LDLRAD4: variants seen among roughly 807,000 people sequenced by gnomAD.
The protein encoded by LDLRAD4 is low-density lipoprotein receptor class A domain-containing protein 4.
Under a neutral mutation model 17.0 loss-of-function variants are expected in LDLRAD4, and 5 were observed. That is an observed-to-expected ratio of 0.29 (90% CI 0.15 to 0.62). The LOEUF (loss-of-function observed/expected upper bound fraction) is 0.62. Ranked by LOEUF, LDLRAD4 falls within the 20% of genes least tolerant of loss-of-function variation. The pLI, the probability that LDLRAD4 is intolerant of heterozygous loss-of-function variation, is 0.84. For missense variants in LDLRAD4, 340 were observed against 424.7 expected (o/e 0.80, Z 1.75); for synonymous variants, 168 against 171.8 (o/e 0.98, Z 0.17).
intron 3 of LDLRAD4, among the ~76,000 whole-genome samples, chr18:13,546,298 C>T (rs1338928866): frequency 6.6e-6 from 1 of 152,158 alleles, no homozygotes; most frequent in Non-Finnish European, 1.5e-5. Context: ...CCACCACTAA[C>T]TGCTGCTCGG....
At chr18:13,572,371 G>A (rs1268830672) in intron 3 of LDLRAD4, among the ~76,000 whole-genome samples, 1 of 152,222 alleles carries the variant, frequency 6.6e-6, no homozygotes, top group Non-Finnish European at 1.5e-5. Flanking sequence ...CAGCTTCCCT[G>A]CTCCAGGGTC....
At chr18:13,544,543 T>C (rs530575314) in intron 3 of LDLRAD4, among the ~76,000 whole-genome samples, 15 of 152,334 alleles carry the variant, frequency 9.8e-5, no homozygotes, top group South Asian at 2.1e-4. Context: ...CTTGAGTGGC[T>C]CCTGGTACAG....
intron 3 of LDLRAD4, among the ~76,000 whole-genome samples, chr18:13,454,389 A>T (rs2092008763): frequency 6.6e-6 from 1 of 152,190 alleles, no homozygotes; most frequent in African/African-American, 2.4e-5. Context: ...TTAAGTTGTG[A>T]ATAATATGGA....
chr18:13,492,137 C>T (rs1431025586), intron 3 of LDLRAD4, among the ~76,000 whole-genome samples: 1 of 152,118 alleles, frequency 6.6e-6, no homozygotes, highest in East Asian at 1.9e-4. Context: ...AAGACCGATT[C>T]GGGCAAGTCT....
chr18:13,458,858 G>T (rs1190348854), intron 3 of LDLRAD4, among the ~76,000 whole-genome samples: 1 of 152,198 alleles, frequency 6.6e-6, no homozygotes, highest in East Asian at 1.9e-4. Context: ...ATGATGAAGG[G>T]GCCTCAAGCC....
chr18:13,310,701 G>A (rs2047187516), intron 1 of LDLRAD4, among the ~76,000 whole-genome samples: 1 of 152,138 alleles, frequency 6.6e-6, no homozygotes, highest in South Asian at 2.1e-4. Flanking sequence ...TTTGCATCTG[G>A]AATAACAGCT....
intron 3 of LDLRAD4, chr18:13,561,755 A>G (rs1170041457): frequency 6.6e-6 from 1 of 152,236 alleles, no homozygotes. Context: ...GCATTAAAAT[A>G]TACAATAATT....
chr18:13,332,397 C>A (rs907861049), intron 1 of LDLRAD4, among the ~76,000 whole-genome samples: 1 of 152,136 alleles, frequency 6.6e-6, no homozygotes, highest in African/African-American at 2.4e-5. Flanking sequence ...ATTAATGAGC[C>A]CATACTGAAA....
intron 2 of LDLRAD4, among the ~76,000 whole-genome samples, chr18:13,430,203 C>T (rs552660314): frequency 6.6e-6 from 1 of 152,168 alleles, no homozygotes; most frequent in South Asian, 2.1e-4. Context: ...GTGCATCTGC[C>T]TCTGTTGATA....
At chr18:13,619,522 G>GGT (rs2040409925) in intron 3 of LDLRAD4, among the ~76,000 whole-genome samples, 1 of 146,322 alleles carries the variant, frequency 6.8e-6, no homozygotes, top group African/African-American at 2.5e-5. Context: ...GGCCGGGGGG[G>GGT]GGCGGGGGTG....
At chr18:13,344,538 T>G (rs1376003473) in intron 1 of LDLRAD4, among the ~76,000 whole-genome samples, 2 of 152,234 alleles carry the variant, frequency 1.3e-5, no homozygotes, top group Non-Finnish European at 2.9e-5. Flanking sequence ...CTTTGTTCTT[T>G]TGGCTTAGGA....
intron 1 of LDLRAD4, chr18:13,366,301 G>T (rs2084051343): frequency 6.6e-6 from 1 of 152,186 alleles, no homozygotes. Context: ...AGGAAATTAT[G>T]TGTTGATCTC....
At chr18:13,571,739 T>C (rs576397637) in intron 3 of LDLRAD4, among the ~76,000 whole-genome samples, 9 of 152,206 alleles carry the variant, frequency 5.9e-5, no homozygotes, top group South Asian at 2.1e-4. Context: ...CGGGTTCACG[T>C]CATTCTCCCG....
intron 2 of LDLRAD4, among the ~76,000 whole-genome samples, chr18:13,436,575 T>C (rs531502275): frequency 1.6e-4 from 24 of 152,270 alleles, no homozygotes; most frequent in Non-Finnish European, 3.2e-4. Context: ...GCGCTTTTCA[T>C]GTTTGGTATA....
At chr18:13,267,325 G>A (rs868231699) in intron 1 of LDLRAD4, among the ~76,000 whole-genome samples, 1 of 152,198 alleles carries the variant, frequency 6.6e-6, no homozygotes, top group Non-Finnish European at 1.5e-5. Flanking sequence ...TGTCTGTGTT[G>A]TATTGTTTTT....
intron 2 of LDLRAD4, among the ~76,000 whole-genome samples, chr18:13,399,583 C>T (rs2086988505): frequency 6.6e-6 from 1 of 152,184 alleles, no homozygotes; most frequent in South Asian, 2.1e-4. Context: ...ACTTTATTGA[C>T]CAAACTTGGC....
chr18:13,325,566 T>C lies in LDLRAD4; in HGVS notation c.-383+47378T>C, dbSNP rs368663015. 2.9e-4 allele frequency among the ~76,000 whole-genome samples: 44 copies of C among 152,254 alleles called. No homozygotes were observed. The East Asian group carries it at 8.0e-3, about 28-fold the overall frequency. On this transcript the variant is annotated intron_variant, in intron 1 of 5. Coordinates refer to ENST00000359446, the Ensembl canonical transcript of LDLRAD4. ...GGGGCCACTCCCTCTCCTTGCTTCC[T>C]GTGGACTCCTCAGCTGCTCAGTGCC...
chr18:13,438,245 G>A, exon 3 of LDLRAD4: 1 of 1,614,042 alleles, frequency 6.2e-7, no homozygotes, highest in Non-Finnish European at 8.5e-7. Flanking sequence ...CTTTTTCAGA[G>A]TGCAAATTCA....
chr18:13,567,480 C>T (rs546763950), intron 3 of LDLRAD4, among the ~76,000 whole-genome samples: 11 of 152,244 alleles, frequency 7.2e-5, no homozygotes, highest in East Asian at 1.9e-4. Context: ...CCAGGAGTTA[C>T]GCTTTTGCAG....
Sources: allele counts gnomAD v4.1 joint callset (sites outside exome capture counted in the v4.1 genomes callset), GRCh38; gene constraint gnomAD v4.1.1; transcripts MANE v1.5; gene names NCBI Gene and HGNC (gene_info 2026-07-23, HGNC 2026-07-21).